Variants in SACM1L observed in about 807,000 individuals in gnomAD.
SACM1L encodes the protein phosphatidylinositol-3-phosphatase SAC1.
SACM1L carries 32 observed loss-of-function variants against 89.5 expected under a neutral mutation model. The ratio of observed to expected loss-of-function variants is 0.36; its 90% CI spans 0.27 to 0.48. The LOEUF (loss-of-function observed/expected upper bound fraction) is 0.48, where lower values mean the gene tolerates loss of function less well. Ranked by LOEUF, SACM1L falls within the 20% of genes least tolerant of loss-of-function variation. The pLI is 0.99. For synonymous variants in SACM1L, 213 were observed against 232.8 expected, an observed-to-expected ratio of 0.92 and a Z score of 0.77; for missense variants, 543 against 708.5, an observed-to-expected ratio of 0.77 and a Z score of 2.65.
intron 1 of SACM1L, among the ~76,000 whole-genome samples, chr3:45,698,507 A>T (rs1698181776): frequency 6.6e-6 from 1 of 152,214 alleles, no homozygotes; most frequent in African/African-American, 2.4e-5. Context: ...TGAGCGAGAC[A>T]TCTCTACCTT....
At chr3:45,690,121 T>A in intron 1 of SACM1L, 1 of 152,332 alleles carries the variant, frequency 6.6e-6, no homozygotes, top group East Asian at 1.9e-4. Flanking sequence ...TCTCGGTAAT[T>A]TTGGTACTGC....
chr3:45,736,920 A>G (rs908373040), intron 14 of SACM1L, among the ~76,000 whole-genome samples: 1 of 152,054 alleles, frequency 6.6e-6, no homozygotes, highest in African/African-American at 2.4e-5. Context: ...TGAGGGTGGG[A>G]ATGACTCCTT....
chr3:45,689,612 G>A, intron 1 of SACM1L, 115 bp downstream of exon 1: 1 of 1,257,176 alleles, frequency 8.0e-7, no homozygotes, highest in Non-Finnish European at 1.1e-6. Context: ...GGAGCTCCTC[G>A]CATTTACCGG....
intron 11 of SACM1L, 39 bp from the exon 12 acceptor site, chr3:45,731,261 GA>G: frequency 7.3e-7 from 1 of 1,369,452 alleles, no homozygotes; most frequent in Non-Finnish European, 1.0e-6. Context: ...TCTCTCCTTT[GA>G]AATAAACTGG....
At chr3:45,693,713 C>G (rs1226366510) in intron 1 of SACM1L, among the ~76,000 whole-genome samples, 1 of 152,184 alleles carries the variant, frequency 6.6e-6, no homozygotes, top group African/African-American at 2.4e-5. Context: ...AGTCCTCAGA[C>G]ATGCCAGGTA....
chr3:45,712,239 T>C (rs1460311512), intron 5 of SACM1L, among the ~76,000 whole-genome samples: 1 of 152,034 alleles, frequency 6.6e-6, no homozygotes, highest in East Asian at 1.9e-4. Context: ...TAGAGTCAGT[T>C]ATTTTGTTTG....
intron 1 of SACM1L, among the ~76,000 whole-genome samples, chr3:45,701,388 C>G (rs1002925410): frequency 6.6e-6 from 1 of 152,060 alleles, no homozygotes; most frequent in African/African-American, 2.4e-5. Context: ...CATCACCTGC[C>G]GCATAGCCCC....
intron 7 of SACM1L, 34 bp from the exon 8 acceptor site, chr3:45,719,466 T>C: frequency 8.3e-7 from 1 of 1,202,632 alleles, no homozygotes; most frequent in South Asian, 1.4e-5. Flanking sequence ...TTATGATTTC[T>C]ATTATATGTT....
At chr3:45,742,286 A>T (rs1210348688) in intron 19 of SACM1L, among the ~76,000 whole-genome samples, 1 of 152,204 alleles carries the variant, frequency 6.6e-6, no homozygotes, top group Non-Finnish European at 1.5e-5. Flanking sequence ...GATGCTGTGG[A>T]TGGTAACTTC....
At chr3:45,689,845 T>A (rs1322358351) in intron 1 of SACM1L, 5 of 437,516 alleles carry the variant, frequency 1.1e-5, no homozygotes, top group Non-Finnish European at 1.6e-5. Flanking sequence ...TAAATTTATC[T>A]GTATGACTTA....
intron 11 of SACM1L, among the ~76,000 whole-genome samples, chr3:45,728,875 T>C (rs1414299530): frequency 2.0e-5 from 3 of 152,052 alleles, no homozygotes; most frequent in Admixed American, 2.0e-4. Flanking sequence ...GGTCTCACTA[T>C]ATTGCCCAGG....
intron 2 of SACM1L, among the ~76,000 whole-genome samples, chr3:45,704,768 G>C (rs1575389684): frequency 6.6e-6 from 1 of 152,190 alleles, no homozygotes; most frequent in East Asian, 1.9e-4. Flanking sequence ...TCATCAGTAA[G>C]ACACATGATA....
intron 3 of SACM1L, among the ~76,000 whole-genome samples, chr3:45,706,291 T>C (rs1559539384): frequency 6.6e-6 from 1 of 152,206 alleles, no homozygotes; most frequent in Non-Finnish European, 1.5e-5. Context: ...ATCCTTGTAA[T>C]ATTGCAGCAG....
chr3:45,733,480 C>T (rs889417685), intron 13 of SACM1L, among the ~76,000 whole-genome samples: 3 of 152,106 alleles, frequency 2.0e-5, no homozygotes, highest in Admixed American at 2.0e-4. Context: ...GGGGTACGGA[C>T]ACACACACCC....
intron 11 of SACM1L, among the ~76,000 whole-genome samples, chr3:45,728,531 C>T (rs1698977422): frequency 6.6e-6 from 1 of 152,100 alleles, no homozygotes; most frequent in Admixed American, 6.6e-5. Context: ...TGGATTGATA[C>T]CAGAAGCATA....
rs1230770627 is a variant in SACM1L at position 45,689,456 on chromosome 3, G to A, written c.-10G>A. ...GGGCGGAGAGAGAAGGAAGGAGGTG[G>A]TTGTGCAGGATGGCGACGGCGGCCT... On this transcript the variant is annotated 5_prime_UTR_variant, in exon 1 of 20. Coordinates refer to ENST00000389061, the MANE Select transcript of SACM1L (RefSeq NM_014016.5). 6 of 1,569,502 alleles carry A rather than the reference G, an allele frequency of 3.8e-6. No homozygotes were observed. Among genetic ancestry groups the A allele is most frequent in the Non-Finnish European group, 5.2e-6 (6 of 1,157,934 alleles).
At chr3:45,735,039 G>A (rs1192352475) in intron 13 of SACM1L, 196 bp from the exon 14 acceptor site, 3 of 439,826 alleles carry the variant, frequency 6.8e-6, no homozygotes, top group Non-Finnish European at 1.2e-5. Flanking sequence ...TTTGGATGGA[G>A]GGCTGTCTTG....
intron 13 of SACM1L, chr3:45,734,497 C>T (rs1383300915): frequency 1.3e-5 from 2 of 152,058 alleles, no homozygotes; most frequent in East Asian, 1.9e-4. Flanking sequence ...CGCTCTGTCA[C>T]CCAGGCTGGA....
chr3:45,721,070 A>G (rs947374668), intron 8 of SACM1L, among the ~76,000 whole-genome samples: 2 of 152,250 alleles, frequency 1.3e-5, no homozygotes, highest in Non-Finnish European at 2.9e-5. Context: ...AAACAGCATC[A>G]AGAATCCAAA....
Sources: gnomAD v4.1 joint callset for allele counts (sites outside exome capture counted in the v4.1 genomes callset) on GRCh38, gnomAD v4.1.1 for gene constraint, MANE v1.5 for transcripts, NCBI Gene and HGNC (gene_info 2026-07-23, HGNC 2026-07-21) for gene names.